Variants in CENPL observed in about 807,000 individuals in gnomAD.
The protein encoded by CENPL is centromere protein L.
A neutral mutation model predicts 35.2 loss-of-function variants in CENPL; 20 were observed. The ratio of observed to expected loss-of-function variants is 0.57; its 90% confidence interval spans 0.40 to 0.83. CENPL has a LOEUF of 0.83. Among genes scored for constraint, CENPL ranks in the 40% least tolerant of loss-of-function variants. The pLI, the probability that CENPL is intolerant of heterozygous loss-of-function variation, is 0.00. For missense variants in CENPL, 363 were observed against 395.8 expected, an observed-to-expected ratio of 0.92 and a Z score of 0.70; for synonymous variants, 140 against 140.6, an observed-to-expected ratio of 1.00 and a Z score of 0.03.
At chr1:173,801,473 C>T (rs1194253989) in intron 5 of CENPL, among the ~76,000 whole-genome samples, 1 of 150,208 alleles carries the variant, frequency 6.7e-6, no homozygotes, top group Non-Finnish European at 1.5e-5. Flanking sequence ...AAGATCACAC[C>T]ACTGCACACC....
Position 173,810,987 on chromosome 1 carries a change from C to A in CENPL, c.168+145G>T, listed in dbSNP as rs980509787. ...AAAGACATAAAGAGGTAGCACTGAT[C>A]GTTATGAAATTGTTTCTTTCTCATT... On this transcript the variant is annotated intron_variant, in intron 3 of 5. Coordinates refer to ENST00000682279, the MANE Select transcript of CENPL (RefSeq NM_001387287.1). 1.8e-4 allele frequency: 115 copies of A among 630,886 alleles called. No homozygotes were observed. In the Admixed American group the frequency reaches 3.1e-3, roughly 17 times the overall value. 39.1% of individuals were successfully genotyped at this position (630,886 alleles called of 1,614,324 possible). A position where few individuals can be genotyped will look rare whatever the true frequency, so the allele number is the denominator to read the frequency against.
chr1:173,815,352 C>T (rs928593138), intron 2 of CENPL, among the ~76,000 whole-genome samples: 2 of 152,160 alleles, frequency 1.3e-5, no homozygotes, highest in Non-Finnish European at 2.9e-5. Flanking sequence ...CAGCATCATC[C>T]TGATGCCAAA....
At chr1:173,819,005 C>T (rs1407380575) in intron 2 of CENPL, among the ~76,000 whole-genome samples, 1 of 151,892 alleles carries the variant, frequency 6.6e-6, no homozygotes, top group Non-Finnish European at 1.5e-5. Context: ...GAGGCTGAAG[C>T]AGGTGGATCA....
chr1:173,812,163 T>C (rs939844544), intron 2 of CENPL, among the ~76,000 whole-genome samples: 1 of 152,214 alleles, frequency 6.6e-6, no homozygotes, highest in Non-Finnish European at 1.5e-5. Flanking sequence ...AAAGTGGCCA[T>C]GAAGCTCAAA....
Position 173,811,277 on chromosome 1 carries a change from T to G in CENPL, c.23A>C (p.Glu8Ala). MDSYSAP[E>A]STPSASSRPE... ...TCTTGAGGATGCACTAGGAGTTGAC[T>G]CTGGTGCACTGTAAGAATCCATGGT... is the stretch of plus-strand genomic sequence containing the variant. The change falls in exon 3 of 6, where the codon GAG becomes GCG. Residue 8 changes from glutamate (E) to alanine (A), a missense_variant. By Grantham distance (107) the Glu-to-Ala change is moderately radical. Transcript: ENST00000682279. 6.2e-7 allele frequency: 1 copy of G among 1,609,034 alleles called. No homozygotes were observed. Among genetic ancestry groups the G allele is most frequent in the Non-Finnish European group, 8.5e-7 (1 of 1,175,900 alleles).
In CENPL at chr1:173,803,012, A is replaced by G. The variant is rs1326798259; in HGVS notation, c.914T>C (p.Val305Ala). The change falls in exon 5 of 6, where the codon GTT (valine) becomes GCT (alanine). Residue 305 changes from valine (V) to alanine (A), a missense_variant. Transcript: ENST00000682279. Reference sequence around the variant, plus strand: ...TGAAGCTACAGATGTTGAAACACGAACTAATCTTGTGGCTGATAAATGAAT... The same window carrying G: ...TGAAGCTACAGATGTTGAAACACGAGCTAATCTTGTGGCTGATAAATGAAT... ...FKIHLSATRL[V>A]RVSTSVASAH... is the part of the protein sequence containing the mutation. 8 of 1,613,644 alleles carry G rather than the reference A, an allele frequency of 5.0e-6. No homozygotes were observed. The Admixed American group carries it at 8.3e-5, about 17-fold the overall frequency.
At chr1:173,810,981 A>G (rs2144708) in intron 3 of CENPL, 151 bp downstream of exon 3, 191,882 of 601,910 alleles carry the variant, frequency 0.32, 36,159 homozygotes, top group African/African-American at 0.72. Flanking sequence ...AAGAGGTAGC[A>G]CTGATCGTTA....
At chr1:173,814,161 AG>A (rs1320761846) in intron 2 of CENPL, among the ~76,000 whole-genome samples, 2 of 152,184 alleles carry the variant, frequency 1.3e-5, no homozygotes, top group Non-Finnish European at 2.9e-5. Context: ...CACCCAATAC[AG>A]GAGCACCCAG....
intron 2 of CENPL, among the ~76,000 whole-genome samples, chr1:173,819,327 C>T (rs1038371395): frequency 3.3e-5 from 5 of 151,972 alleles, no homozygotes; most frequent in East Asian, 1.9e-4. Context: ...TAGTGGCTCA[C>T]GCCTGTAATC....
At chr1:173,810,508 C>G (rs2102585112) in intron 3 of CENPL, among the ~76,000 whole-genome samples, 1 of 152,110 alleles carries the variant, frequency 6.6e-6, no homozygotes, top group Admixed American at 6.6e-5. Context: ...CACATATACC[C>G]CTTAACTTAA....
intron 2 of CENPL, among the ~76,000 whole-genome samples, chr1:173,813,634 T>C (rs1219857569): frequency 6.6e-6 from 1 of 152,166 alleles, no homozygotes; most frequent in East Asian, 1.9e-4. Flanking sequence ...CTAAGAGATT[T>C]TGTCACCACG....
rs1235353886 is a variant in CENPL, at chr1:173,824,682, T to A, written c.-572A>T. 6.2e-6 allele frequency: 1 copy of A among 161,496 alleles called. No homozygotes were observed. Among genetic ancestry groups the A allele is most frequent in the African/African-American group, 2.4e-5 (1 of 41,542 alleles). 10.0% of individuals were successfully genotyped at this position (161,496 alleles called of 1,614,324 possible). ...ACTAGCGGGCGGAGTTGAAGGGCGC[T>A]TGGACCCCAGCGGCGATCTGTGTTT... On this transcript the variant is annotated 5_prime_UTR_variant, in exon 1 of 6. The change creates a new upstream start codon in the 5' untranslated region. Transcript: ENST00000682279.
chr1:173,802,821 C>A, intron 5 of CENPL, 142 bp downstream of exon 5: 1 of 612,886 alleles, frequency 1.6e-6, no homozygotes, highest in East Asian at 2.8e-5. Flanking sequence ...CTGCAATAAA[C>A]CATAAACCAT....
At chr1:173,815,701 C>G (rs1423642729) in intron 2 of CENPL, among the ~76,000 whole-genome samples, 3 of 152,072 alleles carry the variant, frequency 2.0e-5, no homozygotes, top group African/African-American at 7.2e-5. Flanking sequence ...ATAATAAAAG[C>G]TATTTATGAC....
At chr1:173,811,882 C>G (rs193056827) in intron 2 of CENPL, among the ~76,000 whole-genome samples, 1 of 152,242 alleles carries the variant, frequency 6.6e-6, no homozygotes, top group African/African-American at 2.4e-5. Flanking sequence ...CTGGGAAGCG[C>G]AAGGGGTCCA....
intron 4 of CENPL, among the ~76,000 whole-genome samples, chr1:173,806,145 T>G (rs1650205718): frequency 6.6e-6 from 1 of 152,266 alleles, no homozygotes; most frequent in African/African-American, 2.4e-5. Context: ...CAGATCAGAT[T>G]TGGCCTATGG....
intron 3 of CENPL, among the ~76,000 whole-genome samples, chr1:173,809,606 A>AG (rs1038965969): frequency 5.9e-5 from 9 of 151,802 alleles, no homozygotes; most frequent in South Asian, 4.2e-4. Context: ...AAAAAAAAAA[A>AG]CAAAACAACA....
intron 2 of CENPL, among the ~76,000 whole-genome samples, chr1:173,821,603 T>C (rs1029009605): frequency 5.9e-5 from 9 of 152,160 alleles, no homozygotes; most frequent in Admixed American, 3.3e-4. Flanking sequence ...GAATTAAAGA[T>C]TAGCAAATGA....
chr1:173,823,680 T>G (rs1366007127), intron 2 of CENPL: 1 of 152,190 alleles, frequency 6.6e-6, no homozygotes, highest in Non-Finnish European at 1.5e-5. Flanking sequence ...GCAGTTGTGG[T>G]TCACAGCACA....
Sources: allele counts gnomAD v4.1 joint callset (sites outside exome capture counted in the v4.1 genomes callset), GRCh38; gene constraint gnomAD v4.1.1; transcripts MANE v1.5; gene names NCBI Gene and HGNC (gene_info 2026-07-23, HGNC 2026-07-21).